Variants in CDK14 observed in about 807,000 individuals in gnomAD.
The protein encoded by CDK14 is cyclin-dependent kinase 14.
A neutral mutation model predicts 60.7 loss-of-function variants in CDK14; 34 were observed. That is an observed-to-expected ratio of 0.56 (90% CI 0.43 to 0.75). CDK14 has a LOEUF of 0.75. Among genes scored for constraint, CDK14 ranks in the 30% least tolerant of loss-of-function variants. CDK14 has a pLI of 0.00. For missense variants in CDK14, 482 were observed against 564.1 expected (o/e 0.85, Z 1.47); for synonymous variants, 197 against 203.7 (o/e 0.97, Z 0.28).
intron 11 of CDK14, among the ~76,000 whole-genome samples, chr7:91,046,738 G>A (rs1212262978): frequency 6.6e-6 from 1 of 151,744 alleles, no homozygotes; most frequent in Non-Finnish European, 1.5e-5. Flanking sequence ...ACAAAATGCA[G>A]ACCCACCATA....
intron 5 of CDK14, among the ~76,000 whole-genome samples, chr7:90,861,791 A>C (rs1791018568): frequency 6.6e-6 from 1 of 152,090 alleles, no homozygotes; most frequent in African/African-American, 2.4e-5. Flanking sequence ...AGACTCTCAG[A>C]TTAGGAACCA....
chr7:90,739,799 A>G (rs1178669964), intron 3 of CDK14, among the ~76,000 whole-genome samples: 1 of 152,350 alleles, frequency 6.6e-6, no homozygotes, highest in Non-Finnish European at 1.5e-5. Context: ...TGTGAACACA[A>G]TATTTTCCCC....
intron 4 of CDK14, among the ~76,000 whole-genome samples, chr7:90,769,943 G>C (rs543133998): frequency 4.6e-5 from 7 of 152,200 alleles, no homozygotes; most frequent in African/African-American, 1.7e-4. Context: ...CCAAGGAAAA[G>C]CCATATAAAC....
At chr7:90,672,154 G>A (rs992240880) in intron 2 of CDK14, among the ~76,000 whole-genome samples, 7 of 152,108 alleles carry the variant, frequency 4.6e-5, no homozygotes, top group African/African-American at 1.2e-4. Context: ...TTTTTCTTGG[G>A]TAATACCTTT....
intron 4 of CDK14, among the ~76,000 whole-genome samples, chr7:90,768,737 G>A (rs753360607): frequency 1.6e-4 from 24 of 152,162 alleles, no homozygotes; most frequent in Non-Finnish European, 2.9e-4. Context: ...TTCAAAATCT[G>A]TGAGTTCAGC....
chr7:91,063,751 A>G (rs1797881148), intron 11 of CDK14, among the ~76,000 whole-genome samples: 1 of 152,216 alleles, frequency 6.6e-6, no homozygotes, highest in South Asian at 2.1e-4. Context: ...TGTAGGATAG[A>G]TGAAGCATTT....
At chr7:90,740,377 G>C (rs1803299161) in intron 3 of CDK14, among the ~76,000 whole-genome samples, 1 of 151,944 alleles carries the variant, frequency 6.6e-6, no homozygotes, top group Non-Finnish European at 1.5e-5. Context: ...CCAGCCCCCA[G>C]TACCTCAGAA....
At chr7:90,940,852 A>G (rs1558311) in intron 8 of CDK14, among the ~76,000 whole-genome samples, 2,456 of 152,204 alleles carry the variant, frequency 0.016, 23 homozygotes, top group Non-Finnish European at 0.022. Flanking sequence ...TATTTATATA[A>G]ATCTATCTAT....
intron 2 of CDK14, among the ~76,000 whole-genome samples, chr7:90,717,446 C>T (rs1300512199): frequency 6.6e-6 from 1 of 152,012 alleles, no homozygotes; most frequent in Non-Finnish European, 1.5e-5. Flanking sequence ...ACTGAAGCAG[C>T]GTAAAGGTCA....
chr7:90,744,423 C>CA (rs1803488930), intron 3 of CDK14, among the ~76,000 whole-genome samples: 1 of 152,234 alleles, frequency 6.6e-6, no homozygotes, highest in African/African-American at 2.4e-5. Flanking sequence ...TCTATACAGA[C>CA]ACGGCAACCA....
chr7:90,800,706 G>A (rs1262533683), intron 5 of CDK14, among the ~76,000 whole-genome samples: 2 of 152,150 alleles, frequency 1.3e-5, no homozygotes, highest in Admixed American at 6.6e-5. Flanking sequence ...TGTTTGGGGT[G>A]TTGTATTGCT....
intron 6 of CDK14, among the ~76,000 whole-genome samples, chr7:90,892,241 G>GT (rs3839829): frequency 0.095 from 14,512 of 152,202 alleles, 829 homozygotes; most frequent in East Asian, 0.18. Context: ...TTTCTAGCTT[G>GT]TTTTTTACCT....
At chr7:90,818,712 G>A (rs2117069321) in intron 5 of CDK14, among the ~76,000 whole-genome samples, 1 of 152,202 alleles carries the variant, frequency 6.6e-6, no homozygotes, top group East Asian at 1.9e-4. Context: ...TGAAATTTAT[G>A]TATGTTATGG....
At chr7:90,704,367 T>G (rs1022739437) in intron 2 of CDK14, among the ~76,000 whole-genome samples, 3 of 152,164 alleles carry the variant, frequency 2.0e-5, no homozygotes, top group Non-Finnish European at 4.4e-5. Context: ...GGATTTATCT[T>G]TAGCCAAGAC....
chr7:91,163,679 C>T (rs1424138576), intron 14 of CDK14, among the ~76,000 whole-genome samples: 4 of 152,160 alleles, frequency 2.6e-5, no homozygotes, highest in Non-Finnish European at 4.4e-5. Flanking sequence ...AGTCACCCTA[C>T]TTGTGCAGTA....
chr7:90,620,747 C>T (rs886788139), intron 2 of CDK14, among the ~76,000 whole-genome samples: 2 of 152,194 alleles, frequency 1.3e-5, no homozygotes, highest in Non-Finnish European at 2.9e-5. Context: ...CCATCCTCCA[C>T]ATGAGTCCTC....
chr7:90,741,717 ATAG>A (rs1002432721), intron 3 of CDK14, among the ~76,000 whole-genome samples: 8 of 152,200 alleles, frequency 5.3e-5, no homozygotes, highest in African/African-American at 1.9e-4. Flanking sequence ...TAACTGCCAA[ATAG>A]TAGAAGTTAG....
chr7:90,725,263 A>G (rs957450577), intron 2 of CDK14, among the ~76,000 whole-genome samples: 5 of 152,142 alleles, frequency 3.3e-5, no homozygotes, highest in Non-Finnish European at 7.4e-5. Context: ...TCAATTCCAC[A>G]TGTCTGGAGA....
intron 5 of CDK14, among the ~76,000 whole-genome samples, chr7:90,810,526 G>A (rs936448399): frequency 3.9e-5 from 6 of 152,160 alleles, no homozygotes; most frequent in Non-Finnish European, 8.8e-5. Context: ...TACTGAATGG[G>A]CAAAAACTGG....
Sources: gnomAD v4.1 joint callset for allele counts (sites outside exome capture counted in the v4.1 genomes callset) on GRCh38, gnomAD v4.1.1 for gene constraint, MANE v1.5 for transcripts, NCBI Gene and HGNC (gene_info 2026-07-23, HGNC 2026-07-21) for gene names.